Variants in AFF2 observed in about 807,000 individuals in gnomAD.
AFF2 encodes ALF transcription elongation factor 2, also known as AF4/FMR2 family member 2.
A neutral mutation model predicts 76.9 loss-of-function variants in AFF2; 14 were observed. The observed-to-expected ratio is 0.18, with a 90% CI of 0.12 to 0.28. The LOEUF is 0.28. Ranked by LOEUF, AFF2 falls within the 10% of genes least tolerant of loss-of-function variation. The pLI, the probability that AFF2 is intolerant of heterozygous loss-of-function variation, is 1.00. For missense variants in AFF2, 868 were observed against 1,001.1 expected (o/e 0.87, Z 1.79); for synonymous variants, 398 against 366.7 (o/e 1.09, Z -0.98).
intron 3 of AFF2, among the ~76,000 whole-genome samples, chrX:148,712,768 T>C (rs2054983638): frequency 8.9e-6 from 1 of 112,212 alleles, no homozygotes; most frequent in East Asian, 2.8e-4. Flanking sequence ...GTGTACCTAC[T>C]ATGGACTGGT....
At chrX:148,892,600 A>G (rs887243) in intron 8 of AFF2, among the ~76,000 whole-genome samples, 5,115 of 111,370 alleles carry the variant, frequency 0.046, 108 homozygotes, top group South Asian at 0.09. Flanking sequence ...TGTGATGCAC[A>G]CTGAACTTTC....
chrX:148,877,192 C>A (rs1424682818), intron 7 of AFF2, among the ~76,000 whole-genome samples: 10 of 111,855 alleles, frequency 8.9e-5, no homozygotes, highest in Non-Finnish European at 1.5e-4. Flanking sequence ...ACTAAACTAT[C>A]TGTATCTAAA....
intron 1 of AFF2, among the ~76,000 whole-genome samples, chrX:148,588,504 C>T (rs782114024): frequency 2.0e-4 from 22 of 112,382 alleles, no homozygotes; most frequent in African/African-American, 6.8e-4. Flanking sequence ...TTTGCGGAGT[C>T]GTTCAGTGAT....
chrX:148,580,701 C>T (rs997916019), intron 1 of AFF2, among the ~76,000 whole-genome samples: 4 of 105,180 alleles, frequency 3.8e-5, no homozygotes, highest in African/African-American at 1.1e-4. Flanking sequence ...TTTGAAGAAA[C>T]AAGTTCATAA....
chrX:148,645,903 G>GT (rs782005654), intron 1 of AFF2, among the ~76,000 whole-genome samples: 2 of 111,734 alleles, frequency 1.8e-5, no homozygotes. Context: ...AATGAGCACA[G>GT]TATATCATAG....
At chrX:148,845,916 A>T (rs1371345059) in intron 7 of AFF2, among the ~76,000 whole-genome samples, 1 of 112,028 alleles carries the variant, frequency 8.9e-6, no homozygotes, top group Non-Finnish European at 1.9e-5. Context: ...TTACTGGGAC[A>T]CTTCATTACT....
chrX:148,771,865 G>T (rs1424786948), intron 3 of AFF2, among the ~76,000 whole-genome samples: 1 of 111,661 alleles, frequency 9.0e-6, no homozygotes, highest in Non-Finnish European at 1.9e-5. Flanking sequence ...ATTTTAAGTA[G>T]GAAATTAGTT....
intron 2 of AFF2, among the ~76,000 whole-genome samples, chrX:148,655,055 C>T (rs1012932744): frequency 9.0e-6 from 1 of 110,603 alleles, no homozygotes; most frequent in African/African-American, 3.3e-5. Flanking sequence ...TTTCACAAGG[C>T]CTGTTATATA....
At chrX:148,665,637 G>C (rs782118516) in intron 3 of AFF2, among the ~76,000 whole-genome samples, 3 of 111,570 alleles carry the variant, frequency 2.7e-5, no homozygotes, top group Non-Finnish European at 5.6e-5. Context: ...AATATAGACA[G>C]GGAGGAGCAT....
At chrX:148,967,602 C>T in intron 14 of AFF2, 27 bp from the exon 15 acceptor site, 1 of 1,177,821 alleles carries the variant, frequency 8.5e-7, no homozygotes, top group Non-Finnish European at 1.2e-6. Context: ...GCATTGGTTT[C>T]TGAAAGAGCT....
chrX:148,898,499 G>C (rs1557280565), intron 8 of AFF2, among the ~76,000 whole-genome samples: 1 of 112,138 alleles, frequency 8.9e-6, no homozygotes, highest in African/African-American at 3.2e-5. Flanking sequence ...GTAGTTGCAG[G>C]AAGAGTGAGG....
intron 14 of AFF2, 34 bp from the exon 15 acceptor site, chrX:148,967,595 T>C (rs1557288959): frequency 3.5e-6 from 4 of 1,147,211 alleles, no homozygotes; most frequent in South Asian, 1.9e-5. Flanking sequence ...AGATGAAGCA[T>C]TGGTTTCTGA....
intron 3 of AFF2, among the ~76,000 whole-genome samples, chrX:148,805,450 A>G (rs2070117732): frequency 9.0e-6 from 1 of 110,996 alleles, no homozygotes; most frequent in Non-Finnish European, 1.9e-5. Context: ...CCATGTGTTG[A>G]TCATTATTCT....
intron 9 of AFF2, among the ~76,000 whole-genome samples, chrX:148,914,619 A>G (rs2071506764): frequency 8.9e-6 from 1 of 112,133 alleles, no homozygotes; most frequent in African/African-American, 3.2e-5. Context: ...GTGGACTTTT[A>G]TGTAAACCTC....
At chrX:148,872,190 A>G (rs1159284539) in intron 7 of AFF2, among the ~76,000 whole-genome samples, 3 of 111,402 alleles carry the variant, frequency 2.7e-5, no homozygotes, top group African/African-American at 9.8e-5. Context: ...TTTCTAGTAT[A>G]TTCACAGAGT....
chrX:148,930,272 A>G (rs996701229), intron 9 of AFF2, among the ~76,000 whole-genome samples: 9 of 112,250 alleles, frequency 8.0e-5, no homozygotes, highest in Non-Finnish European at 1.7e-4. Context: ...GCCTACAGTA[A>G]ACATTAGAAA....
intron 1 of AFF2, among the ~76,000 whole-genome samples, chrX:148,539,071 A>T (rs1031154862): frequency 2.7e-5 from 3 of 111,138 alleles, no homozygotes; most frequent in African/African-American, 6.6e-5. Context: ...ATTAAAAAAA[A>T]TTTTTTTTCA....
At chrX:148,886,160 C>A (rs1385308059) in intron 8 of AFF2, among the ~76,000 whole-genome samples, 175 bp downstream of exon 8, 2 of 111,658 alleles carry the variant, frequency 1.8e-5, no homozygotes, top group African/African-American at 6.5e-5. Flanking sequence ...TCAGTTCAAA[C>A]TTTCATTAAA....
intron 1 of AFF2, among the ~76,000 whole-genome samples, chrX:148,503,385 T>G (rs1294080710): frequency 1.8e-5 from 2 of 112,093 alleles, no homozygotes; most frequent in African/African-American, 6.5e-5. Flanking sequence ...CTTCCATTCC[T>G]TGGGAGTAAA....
Sources: gnomAD v4.1 joint callset for allele counts (sites outside exome capture counted in the v4.1 genomes callset) on GRCh38, gnomAD v4.1.1 for gene constraint, MANE v1.5 for transcripts, NCBI Gene and HGNC (gene_info 2026-07-23, HGNC 2026-07-21) for gene names.